The following TFDP2 variants were observed in gnomAD, a reference collection of about 807,000 sequenced individuals.
The protein encoded by TFDP2 is transcription factor Dp-2 (E2F dimerization partner 2).
TFDP2 carries 17 observed loss-of-function variants against 59.3 expected under a neutral mutation model. The ratio of observed to expected loss-of-function variants is 0.29; its 90% CI spans 0.20 to 0.43. The LOEUF is 0.43. Among genes scored for constraint, TFDP2 ranks in the 20% least tolerant of loss-of-function variants. The pLI, the probability that TFDP2 is intolerant of heterozygous loss-of-function variation, is 1.00. For missense variants in TFDP2, 391 were observed against 528.8 expected (o/e 0.74, Z 2.56); for synonymous variants, 180 against 194.7 (o/e 0.92, Z 0.63).
intron 3 of TFDP2, among the ~76,000 whole-genome samples, chr3:142,067,393 A>C (rs2060107002): frequency 6.6e-6 from 1 of 151,384 alleles, no homozygotes; most frequent in Non-Finnish European, 1.5e-5. Context: ...TGAAATACTT[A>C]GGTATAAATC....
chr3:142,063,767 C>G (rs930945772), intron 3 of TFDP2, among the ~76,000 whole-genome samples: 1 of 152,074 alleles, frequency 6.6e-6, no homozygotes, highest in African/African-American at 2.4e-5. Context: ...AGCAAAAGAT[C>G]CACTGTCGAA....
intron 7 of TFDP2, 87 bp downstream of exon 7, chr3:141,978,433 G>C: frequency 7.5e-7 from 1 of 1,339,178 alleles, no homozygotes; most frequent in Non-Finnish European, 1.0e-6. Context: ...CTCAAGTATA[G>C]TCGTGATTCC....
rs11715832 is a variant in TFDP2, at chr3:142,108,003, A to T, written c.-92-6162T>A. 5.5e-3 allele frequency among the ~76,000 whole-genome samples: 832 copies of T among 152,290 alleles called. 4 individuals are homozygous for T. Among genetic ancestry groups the T allele is most frequent in the Admixed American group, 8.6e-3 (132 of 15,290 alleles). On this transcript the variant is annotated intron_variant, in intron 1 of 12. Transcript: ENST00000489671. ...CAATTCCGTTTTTTGAAATTTCAAT[A>T]TTAAATTGAATTTTTATTTTTTGAG...
chr3:142,027,023 T>A (rs78910015), intron 3 of TFDP2, among the ~76,000 whole-genome samples: 10,579 of 152,286 alleles, frequency 0.069, 471 homozygotes, highest in Non-Finnish European at 0.11. Flanking sequence ...CTGATGTTTC[T>A]CATTTTATTT....
intron 11 of TFDP2, among the ~76,000 whole-genome samples, chr3:141,954,436 A>T (rs750380100): frequency 6.6e-6 from 1 of 152,072 alleles, no homozygotes; most frequent in Non-Finnish European, 1.5e-5. Flanking sequence ...CAGGAGTTCG[A>T]GACCAGCCTG....
At chr3:141,954,047 CT>C (rs1288016798) in intron 11 of TFDP2, among the ~76,000 whole-genome samples, 4 of 152,104 alleles carry the variant, frequency 2.6e-5, no homozygotes, top group Admixed American at 1.3e-4. Flanking sequence ...GTAATCCTAG[CT>C]ACTCGGGAGG....
intron 1 of TFDP2, among the ~76,000 whole-genome samples, chr3:142,127,046 A>C (rs2062289854): frequency 1.3e-5 from 2 of 149,796 alleles, no homozygotes; most frequent in Admixed American, 1.3e-4. Context: ...TATCTTATAG[A>C]TATCTATAAG....
chr3:142,140,688 A>AGCT (rs1355214766), intron 1 of TFDP2, among the ~76,000 whole-genome samples: 1 of 152,252 alleles, frequency 6.6e-6, no homozygotes, highest in Non-Finnish European at 1.5e-5. Flanking sequence ...GGGTATCAGC[A>AGCT]GCAGAGGCTG....
chr3:142,007,860 A>T (rs2108278106), intron 3 of TFDP2, among the ~76,000 whole-genome samples: 1 of 152,250 alleles, frequency 6.6e-6, no homozygotes, highest in Non-Finnish European at 1.5e-5. Flanking sequence ...CAGTGATGCG[A>T]GTGATGGGGA....
At chr3:141,987,689 A>G (rs1942263229) in intron 6 of TFDP2, among the ~76,000 whole-genome samples, 1 of 148,710 alleles carries the variant, frequency 6.7e-6, no homozygotes, top group Admixed American at 6.8e-5. Context: ...GCACTTTGGG[A>G]GGCCGAGGTG....
At chr3:141,956,588 G>A (rs1421663561) in intron 11 of TFDP2, among the ~76,000 whole-genome samples, 1 of 151,828 alleles carries the variant, frequency 6.6e-6, no homozygotes, top group Non-Finnish European at 1.5e-5. Context: ...TATTTCTGAG[G>A]AAGACATACA....
intron 11 of TFDP2, among the ~76,000 whole-genome samples, chr3:141,957,394 A>G (rs1370703906): frequency 6.6e-6 from 1 of 152,244 alleles, no homozygotes; most frequent in Non-Finnish European, 1.5e-5. Flanking sequence ...GGAGCTTTGG[A>G]AAACAGTTTG....
At chr3:142,075,279 GGAA>G (rs1331934072) in intron 3 of TFDP2, among the ~76,000 whole-genome samples, 9 of 152,110 alleles carry the variant, frequency 5.9e-5, no homozygotes, top group Admixed American at 1.3e-4. Flanking sequence ...CCTATTGAAT[GGAA>G]GAAAATATCT....
At chr3:142,103,870 G>A (rs996417198) in intron 1 of TFDP2, among the ~76,000 whole-genome samples, 2 of 151,834 alleles carry the variant, frequency 1.3e-5, no homozygotes, top group East Asian at 1.9e-4. Flanking sequence ...GTAAAATTTT[G>A]TAGAAGAAAA....
chr3:142,029,147 C>T (rs1265979823), intron 3 of TFDP2: 1 of 152,594 alleles, frequency 6.6e-6, no homozygotes, highest in East Asian at 1.9e-4. Context: ...AGCAAAAGCA[C>T]CACGAGTTTC....
intron 9 of TFDP2, among the ~76,000 whole-genome samples, chr3:141,966,384 G>A (rs192018246): frequency 6.6e-6 from 1 of 151,696 alleles, no homozygotes; most frequent in Admixed American, 6.6e-5. Context: ...TATTGGCCAG[G>A]CTGGTCTCGA....
intron 4 of TFDP2, among the ~76,000 whole-genome samples, chr3:142,003,423 C>A (rs1240164156): frequency 2.6e-5 from 4 of 152,170 alleles, no homozygotes; most frequent in African/African-American, 9.7e-5. Context: ...AGACACCACA[C>A]CCAGCCTCAA....
At position 142,042,417 on chromosome 3, in the gene TFDP2, G is replaced by A. The variant is rs1947023247; in HGVS notation, c.83-36873C>T. 2.0e-5 allele frequency among the ~76,000 whole-genome samples: 3 copies of A among 151,434 alleles called. 1 individual carries two copies. In the South Asian group the frequency reaches 6.3e-4, roughly 32 times the overall value. ...AGTGATTCTCCTGCCTCAGCCTCCTGAGAAGCTGGGACTGTAGACATGTGC... is the reference window on the plus strand; with the variant it reads ...AGTGATTCTCCTGCCTCAGCCTCCTAAGAAGCTGGGACTGTAGACATGTGC... On this transcript the variant is annotated intron_variant, in intron 3 of 12. Transcript: ENST00000489671.
At chr3:142,093,158 A>G (rs1390318878) in intron 2 of TFDP2, 31 bp from the exon 3 acceptor site, 4 of 1,463,822 alleles carry the variant, frequency 2.7e-6, no homozygotes, top group Non-Finnish European at 3.7e-6. Flanking sequence ...AGTTAAAAAT[A>G]GAATATTAAG....
Sources: allele counts gnomAD v4.1 joint callset (sites outside exome capture counted in the v4.1 genomes callset), GRCh38; gene constraint gnomAD v4.1.1; transcripts MANE v1.5; gene names NCBI Gene and HGNC (gene_info 2026-07-23, HGNC 2026-07-21).